RNF216: variants seen among roughly 807,000 people sequenced by gnomAD.
RNF216 encodes ring finger protein 216.
RNF216 carries 72 observed loss-of-function variants against 110.8 expected under a neutral mutation model. That is an observed-to-expected ratio of 0.65 (90% CI 0.54 to 0.79). RNF216 has a LOEUF of 0.79. Ranked by LOEUF, RNF216 falls within the 30% of genes least tolerant of loss-of-function variation. The pLI, the probability that RNF216 is intolerant of heterozygous loss-of-function variation, is 0.00. For missense variants in RNF216, 1,342 were observed against 1,141.2 expected (o/e 1.18, Z -2.54); for synonymous variants, 495 against 407.5 (o/e 1.21, Z -2.59).
At chr7:5,737,109 A>C (rs1402023402) in intron 5 of RNF216, among the ~76,000 whole-genome samples, 2 of 152,236 alleles carry the variant, frequency 1.3e-5, no homozygotes, top group African/African-American at 4.8e-5. Flanking sequence ...AAAGATAGAG[A>C]AATCAGATTG....
intron 13 of RNF216, among the ~76,000 whole-genome samples, chr7:5,693,584 G>C (rs768278816): frequency 2.6e-5 from 4 of 152,162 alleles, no homozygotes; most frequent in African/African-American, 4.8e-5. Context: ...GCTTAAAGAG[G>C]GAACTTCAGA....
intron 6 of RNF216, 85 bp from the exon 7 acceptor site, chr7:5,729,681 G>C: frequency 8.8e-7 from 1 of 1,140,078 alleles, no homozygotes; most frequent in South Asian, 1.4e-5. Context: ...TACATGTGTA[G>C]AAAAGAATAA....
intron 6 of RNF216, 83 bp from the exon 7 acceptor site, chr7:5,729,679 T>C (rs1793974009): frequency 1.8e-6 from 2 of 1,136,130 alleles, no homozygotes; most frequent in South Asian, 1.4e-5. Context: ...ATTACATGTG[T>C]AGAAAAGAAT....
chr7:5,672,081 T>C (rs1444368971), intron 13 of RNF216, among the ~76,000 whole-genome samples: 1 of 152,246 alleles, frequency 6.6e-6, no homozygotes, highest in Non-Finnish European at 1.5e-5. Flanking sequence ...TAGATGGCAG[T>C]GGATCAGAGA....
intron 1 of RNF216, among the ~76,000 whole-genome samples, chr7:5,767,210 C>T (rs1273384878): frequency 6.6e-6 from 1 of 152,150 alleles, no homozygotes; most frequent in Non-Finnish European, 1.5e-5. Context: ...GGTGAAAAAC[C>T]AGCTGGCAGG....
At chr7:5,713,941 G>A (rs1792880748) in intron 11 of RNF216, among the ~76,000 whole-genome samples, 1 of 152,202 alleles carries the variant, frequency 6.6e-6, no homozygotes, top group East Asian at 1.9e-4. Flanking sequence ...TGGCTGATGG[G>A]GGCATGGCCC....
intron 14 of RNF216, among the ~76,000 whole-genome samples, chr7:5,651,238 T>C (rs1788365949): frequency 6.6e-6 from 1 of 152,042 alleles, no homozygotes; most frequent in Non-Finnish European, 1.5e-5. Context: ...TCTTTTTTTT[T>C]TTTGAGTTGG....
intron 3 of RNF216, among the ~76,000 whole-genome samples, chr7:5,751,003 T>C (rs1211460083): frequency 6.6e-6 from 1 of 152,234 alleles, no homozygotes; most frequent in African/African-American, 2.4e-5. Flanking sequence ...GTAGACTCCT[T>C]GTCTAGCTAT....
At chr7:5,679,586 A>G (rs897165271) in intron 13 of RNF216, among the ~76,000 whole-genome samples, 1 of 152,236 alleles carries the variant, frequency 6.6e-6, no homozygotes, top group Non-Finnish European at 1.5e-5. Context: ...TGATCACCAG[A>G]TGTGCAATTA....
rs115739343 is a variant in RNF216, at chr7:5,705,555, C to T, written c.2061+6206G>A. Among the ~76,000 whole-genome samples, 1,220 of 152,234 alleles carry T rather than the reference C, an allele frequency of 8.0e-3. 16 individuals are homozygous for T. The highest frequency in any genetic ancestry group is 0.027 in the African/African-American group (1,125 of 41,532). ...TCAGTAGTTCAAAACAGACTTTGTT[C>T]TCACTCATGCTGCACATCCCTCTTG... On this transcript the variant is annotated intron_variant, in intron 13 of 16. Coordinates refer to ENST00000389902, the MANE Select transcript of RNF216 (RefSeq NM_207111.4).
chr7:5,719,919 A>G (rs1424298016), intron 9 of RNF216, among the ~76,000 whole-genome samples: 1 of 152,248 alleles, frequency 6.6e-6, no homozygotes, highest in East Asian at 1.9e-4. Flanking sequence ...GAAGCACTTT[A>G]TGAAGACTTC....
chr7:5,754,338 T>C (rs1463912226), intron 2 of RNF216, among the ~76,000 whole-genome samples: 1 of 152,008 alleles, frequency 6.6e-6, no homozygotes, highest in Non-Finnish European at 1.5e-5. Flanking sequence ...AAAAAAATTT[T>C]TTTTTGTAGA....
intron 10 of RNF216, among the ~76,000 whole-genome samples, chr7:5,715,931 C>T (rs1322960238): frequency 1.3e-5 from 2 of 151,948 alleles, no homozygotes; most frequent in African/African-American, 4.8e-5. Flanking sequence ...TTAGTAGAGA[C>T]GGGGTTTCAC....
At chr7:5,677,250 G>A (rs896752147) in intron 13 of RNF216, among the ~76,000 whole-genome samples, 2 of 152,194 alleles carry the variant, frequency 1.3e-5, no homozygotes, top group Non-Finnish European at 2.9e-5. Context: ...CAGCCAAGGA[G>A]TCGCTATCTG....
chr7:5,665,487 T>C (rs1181792955), intron 13 of RNF216, among the ~76,000 whole-genome samples: 1 of 152,206 alleles, frequency 6.6e-6, no homozygotes, highest in Non-Finnish European at 1.5e-5. Context: ...AGAAAAGTTC[T>C]TTCCCTGAGC....
chr7:5,735,615 T>C (rs1379674358), intron 5 of RNF216, among the ~76,000 whole-genome samples: 3 of 152,102 alleles, frequency 2.0e-5, no homozygotes, highest in Non-Finnish European at 4.4e-5. Context: ...GAAGAAATCA[T>C]CCAGAACGCA....
intron 13 of RNF216, among the ~76,000 whole-genome samples, chr7:5,678,738 G>C (rs1272526976): frequency 6.6e-6 from 1 of 152,254 alleles, no homozygotes; most frequent in Non-Finnish European, 1.5e-5. Context: ...CACTGTGAGA[G>C]CTACAGCAGT....
At chr7:5,662,960 A>G (rs1252212773) in intron 13 of RNF216, among the ~76,000 whole-genome samples, 1 of 152,072 alleles carries the variant, frequency 6.6e-6, no homozygotes, top group Admixed American at 6.6e-5. Flanking sequence ...CGCTCAGAGA[A>G]TCCAGCACCC....
At chr7:5,732,211 T>C (rs1794134808) in intron 5 of RNF216, among the ~76,000 whole-genome samples, 4 of 152,198 alleles carry the variant, frequency 2.6e-5, no homozygotes, top group Admixed American at 2.0e-4. Context: ...TTCACTGGTG[T>C]GCACTGAGGT....
Sources: allele counts gnomAD v4.1 joint callset (sites outside exome capture counted in the v4.1 genomes callset), GRCh38; gene constraint gnomAD v4.1.1; transcripts MANE v1.5; gene names NCBI Gene and HGNC (gene_info 2026-07-23, HGNC 2026-07-21).